The following MYH9 variants were observed in gnomAD, a reference collection of about 807,000 sequenced individuals.
MYH9 encodes the protein myosin-9.
A neutral mutation model predicts 241.9 loss-of-function variants in MYH9; 29 were observed. The observed-to-expected ratio is 0.12, with a 90% confidence interval of 0.09 to 0.16. The LOEUF (loss-of-function observed/expected upper bound fraction) is 0.16, where lower values mean the gene tolerates loss of function less well. MYH9 is among the 10% of genes least tolerant of loss of function. The pLI is 1.00. For missense variants in MYH9, 1,803 were observed against 2,595.5 expected (o/e 0.69, Z 6.63); for synonymous variants, 1,047 against 1,062.6 (o/e 0.99, Z 0.29).
intron 1 of MYH9, among the ~76,000 whole-genome samples, chr22:36,366,726 C>A (rs2018016737): frequency 6.6e-6 from 1 of 152,106 alleles, no homozygotes; most frequent in African/African-American, 2.4e-5. Context: ...CCAGGCCCAG[C>A]CCCACACTGA....
intron 1 of MYH9, among the ~76,000 whole-genome samples, chr22:36,371,057 C>A (rs1248863405): frequency 1.3e-5 from 2 of 152,144 alleles, no homozygotes; most frequent in African/African-American, 4.8e-5. Context: ...AGGGCTCCTC[C>A]CCCAGATCTG....
chr22:36,325,262 G>A (rs760568393), intron 5 of MYH9: 17 of 629,612 alleles, frequency 2.7e-5, no homozygotes, highest in South Asian at 3.8e-5. Context: ...GATTCCAAAC[G>A]TCTTGAGAAG....
intron 1 of MYH9, among the ~76,000 whole-genome samples, chr22:36,362,192 G>A (rs2017945670): frequency 6.6e-6 from 1 of 152,172 alleles, no homozygotes; most frequent in African/African-American, 2.4e-5. Flanking sequence ...AGAAAAGACA[G>A]TTCCCTGACC....
chr22:36,307,926 T>C (rs968054213), intron 15 of MYH9, among the ~76,000 whole-genome samples: 5 of 151,684 alleles, frequency 3.3e-5, no homozygotes, highest in Admixed American at 2.6e-4. Flanking sequence ...TGACCTTATG[T>C]ACCCACCACA....
At chr22:36,386,958 C>G (rs1434457444) in intron 1 of MYH9, among the ~76,000 whole-genome samples, 4 of 152,270 alleles carry the variant, frequency 2.6e-5, no homozygotes, top group Non-Finnish European at 5.9e-5. Flanking sequence ...CTAGCTGCCC[C>G]CGCACCCCGC....
intron 1 of MYH9, chr22:36,364,804 C>T (rs1018085834): frequency 6.6e-6 from 1 of 152,126 alleles, no homozygotes; most frequent in African/African-American, 2.4e-5. Context: ...CATCTGAGGA[C>T]GAGCCGCAGC....
At position 36,281,521 on chromosome 22, in the gene MYH9, GC is replaced by G. The variant is rs1449276212; in HGVS notation, c.*1146del. On this transcript the variant is annotated 3_prime_UTR_variant, in exon 41 of 41. Coordinates refer to ENST00000216181, the MANE Select transcript of MYH9 (RefSeq NM_002473.6). ...TTTGTTTCCTTTAAAAAAAAAAAATGCCTTCTTGCCGTAAGTCTCAATGCAG... is the reference window on the plus strand; with the variant it reads ...TTTGTTTCCTTTAAAAAAAAAAAATGCTTCTTGCCGTAAGTCTCAATGCAG... The G allele has an allele frequency of 4.4e-6, 1 of 225,450 alleles. No individual in the cohort carries two copies. The highest frequency in any genetic ancestry group is 6.4e-5 in the East Asian group (1 of 15,658). 14.0% of individuals were successfully genotyped at this position (225,450 alleles called of 1,614,324 possible). A position where few individuals can be genotyped will look rare whatever the true frequency, so the allele number is the denominator to read the frequency against.
chr22:36,285,243 G>T lies in MYH9; in HGVS notation c.5361C>A (p.Asn1787Lys), dbSNP rs201463106. Reference sequence around the variant, plus strand: ...CCTGCAGCTTGACCTTAAGCTCCTTGTTCTGGCGTTCCAGCTGCTGCCGAG... The same window carrying T: ...CCTGCAGCTTGACCTTAAGCTCCTTTTTCTGGCGTTCCAGCTGCTGCCGAG... ...ENARQQLERQ[N>K]KELKVKLQEM... The change falls in exon 38 of 41, where the codon AAC becomes AAA. Residue 1787 changes from asparagine to lysine, a missense_variant. Coordinates refer to ENST00000216181, the MANE Select transcript of MYH9 (RefSeq NM_002473.6). The surrounding 1 kb of genome is among the most constrained non-coding windows in gnomAD (Gnocchi z 7.0). 6.2e-6 allele frequency: 10 copies of T among 1,614,200 alleles called. No homozygotes were observed. In the Admixed American group the frequency reaches 1.7e-4, roughly 27 times the overall value.
Position 36,330,143 on chromosome 22 carries a change from C to G in MYH9, c.491-2655G>C, listed in dbSNP as rs1331768801. On this transcript the variant is annotated intron_variant, in intron 3 of 40. Transcript: ENST00000216181. This position sits in a 1 kb window ranked among gnomAD's most constrained non-coding sequence, Gnocchi z 4.5. ...CATCCACCCGAGCGTCCCTAGCTCT[C>G]CCACTTCTCCAGCCTTCCCCGTCCA... 6.6e-6 allele frequency among the ~76,000 whole-genome samples: 1 copy of G among 152,222 alleles called. No individual in the cohort carries two copies. The highest frequency in any genetic ancestry group is 1.9e-4 in the East Asian group (1 of 5,200).
intron 24 of MYH9, chr22:36,297,315 T>C (rs1418115871): frequency 1.2e-5 from 5 of 412,028 alleles, no homozygotes; most frequent in African/African-American, 1.0e-4. Flanking sequence ...CATGTCTGTA[T>C]CTCTAAAAAA....
At chr22:36,296,112 C>G (rs2016783552) in intron 25 of MYH9, among the ~76,000 whole-genome samples, 1 of 152,214 alleles carries the variant, frequency 6.6e-6, no homozygotes, top group African/African-American at 2.4e-5. Context: ...CCAATTAGAA[C>G]AGACACAGCA....
chr22:36,291,683 TAAAAA>T (rs66686435), intron 31 of MYH9, among the ~76,000 whole-genome samples: 30 of 86,906 alleles, frequency 3.5e-4, no homozygotes, highest in Admixed American at 6.1e-4. Context: ...ATAAAAAAAT[TAAAAA>T]AAAAAAAAAA....
rs568068069 is a variant in MYH9, at chr22:36,322,532, C to T, written c.613-11G>A. The stretch of plus-strand genomic sequence containing the variant: ...CCGCTCCAGCTCGCCCTGCAAGGAA[C>T]CCAGGGACGCAGTGAAGGCCGGGCA... On this transcript the variant is annotated splice_polypyrimidine_tract_variant and intron_variant, in intron 5 of 40. Transcript: ENST00000216181. 6.2e-7 allele frequency: 1 copy of T among 1,613,392 alleles called. No individual in the cohort carries two copies. Among genetic ancestry groups the T allele is most frequent in the Non-Finnish European group, 8.5e-7 (1 of 1,179,898 alleles).
At chr22:36,335,064 T>C (rs1321115010) in intron 3 of MYH9, among the ~76,000 whole-genome samples, 1 of 152,102 alleles carries the variant, frequency 6.6e-6, no homozygotes, top group Non-Finnish European at 1.5e-5. Flanking sequence ...CTGTGTCATC[T>C]ATCAAAGGCC....
chr22:36,325,622 C>T (rs1179462185), intron 5 of MYH9, among the ~76,000 whole-genome samples: 1 of 152,232 alleles, frequency 6.6e-6, no homozygotes, highest in East Asian at 1.9e-4. Context: ...GTGAGGGCAG[C>T]CGGCCATCTG....
Position 36,387,913 on chromosome 22 carries a change from G to C in MYH9, c.-126C>G, listed in dbSNP as rs976958942. 1 of 152,298 alleles carries C rather than the reference G, an allele frequency of 6.6e-6. No homozygotes were observed. Among genetic ancestry groups the C allele is most frequent in the Admixed American group, 6.5e-5 (1 of 15,310 alleles). The allele number at this position is 152,298 out of a possible 1,614,324, so 9.4% of individuals were successfully genotyped here. ...GCGAGCGCACGAGGCGGGAGCTGCAGCAGGTCAGCCTTGCTTAGCCTTCCG... is the reference window on the plus strand; with the variant it reads ...GCGAGCGCACGAGGCGGGAGCTGCACCAGGTCAGCCTTGCTTAGCCTTCCG... On this transcript the variant is annotated 5_prime_UTR_variant, in exon 1 of 41. Transcript: ENST00000216181.
At chr22:36,318,132 C>CA in intron 11 of MYH9, 75 bp downstream of exon 11, 1 of 1,340,520 alleles carries the variant, frequency 7.5e-7, no homozygotes, top group South Asian at 1.2e-5. Context: ...GGATGGCCCA[C>CA]AACAGCCTCA....
chr22:36,347,856 G>A (rs1030663162), intron 2 of MYH9, among the ~76,000 whole-genome samples: 4 of 151,212 alleles, frequency 2.6e-5, no homozygotes, highest in African/African-American at 9.7e-5. Context: ...AAATGGGCTT[G>A]GGGCAAATGG....
intron 2 of MYH9, among the ~76,000 whole-genome samples, chr22:36,342,895 C>T (rs1173842545): frequency 6.6e-6 from 1 of 152,228 alleles, no homozygotes; most frequent in Non-Finnish European, 1.5e-5. Context: ...GTCTCCAATG[C>T]CAACCTCCTT....
Sources: gnomAD v4.1 joint callset for allele counts (sites outside exome capture counted in the v4.1 genomes callset) on GRCh38, gnomAD v4.1.1 for gene constraint, Gnocchi (gnomAD v3.1) non-coding constraint, MANE v1.5 for transcripts, NCBI Gene and HGNC (gene_info 2026-07-23, HGNC 2026-07-21) for gene names.